Variants in LDB2 observed in about 807,000 individuals in gnomAD.
LDB2 encodes the protein LIM domain binding 2.
LDB2 carries 12 observed loss-of-function variants against 44.3 expected under a neutral mutation model. The observed-to-expected ratio is 0.27, with a 90% CI of 0.17 to 0.44. The LOEUF is 0.44. Among genes scored for constraint, LDB2 ranks in the 20% least tolerant of loss-of-function variants. The pLI is 1.00. For synonymous variants in LDB2, 164 were observed against 174.8 expected (o/e 0.94, Z 0.49); for missense variants, 344 against 473.5 (o/e 0.73, Z 2.54).
chr4:16,526,279 C>T (rs2152289072), intron 5 of LDB2, among the ~76,000 whole-genome samples: 1 of 152,294 alleles, frequency 6.6e-6, no homozygotes, highest in Non-Finnish European at 1.5e-5. Context: ...CTTCTCCTGC[C>T]TTTGGACATC....
intron 5 of LDB2, among the ~76,000 whole-genome samples, chr4:16,525,822 G>A (rs1049921553): frequency 1.3e-4 from 20 of 152,352 alleles, no homozygotes; most frequent in African/African-American, 4.6e-4. Context: ...TGGGAGGGTT[G>A]AAAATGTGGA....
At chr4:16,811,201 A>G (rs169605) in intron 1 of LDB2, among the ~76,000 whole-genome samples, 117,583 of 152,098 alleles carry the variant, frequency 0.77, 48,034 homozygotes, top group Middle Eastern at 0.93. Flanking sequence ...TGCACACTGT[A>G]CCTTCAGGGT....
At chr4:16,504,379 T>C (rs1339747199) in intron 7 of LDB2, among the ~76,000 whole-genome samples, 9 of 152,230 alleles carry the variant, frequency 5.9e-5, no homozygotes, top group Non-Finnish European at 1.2e-4. Flanking sequence ...AGATAATTAA[T>C]AGGTTTCCAA....
chr4:16,766,757 C>T lies in LDB2; in HGVS notation c.133-7497G>A, dbSNP rs752061851. Among the ~76,000 whole-genome samples, 40 of 152,128 alleles carry T rather than the reference C, an allele frequency of 2.6e-4. No homozygotes were observed. The East Asian group carries it at 5.4e-3, about 21-fold the overall frequency. On this transcript the variant is annotated intron_variant, in intron 1 of 7. Transcript: ENST00000304523. ...CTGACTTCAGGTGATCCACCTGCCT[C>T]GGCCTCCCAAAGTGCTGGGATTACA...
chr4:16,709,289 A>G (rs1422474539), intron 2 of LDB2, among the ~76,000 whole-genome samples: 1 of 152,234 alleles, frequency 6.6e-6, no homozygotes, highest in East Asian at 1.9e-4. Context: ...TGCAGGTTAT[A>G]GTATAATATG....
intron 2 of LDB2, among the ~76,000 whole-genome samples, chr4:16,623,134 C>A (rs1729339797): frequency 6.6e-6 from 1 of 151,912 alleles, no homozygotes; most frequent in Non-Finnish European, 1.5e-5. Context: ...AATAAATATT[C>A]TTTGAATAAA....
chr4:16,785,348 C>A (rs1473245799), intron 1 of LDB2, among the ~76,000 whole-genome samples: 1 of 152,060 alleles, frequency 6.6e-6, no homozygotes, highest in Non-Finnish European at 1.5e-5. Flanking sequence ...GGTCCAAGTT[C>A]AACTTCAGGC....
intron 1 of LDB2, among the ~76,000 whole-genome samples, chr4:16,787,396 C>T (rs747279338): frequency 2.6e-5 from 4 of 152,056 alleles, no homozygotes; most frequent in East Asian, 1.9e-4. Context: ...GCATATCACC[C>T]GAGGTCAGGA....
At chr4:16,869,571 A>G (rs1715827983) in intron 1 of LDB2, among the ~76,000 whole-genome samples, 1 of 152,164 alleles carries the variant, frequency 6.6e-6, no homozygotes, top group South Asian at 2.1e-4. Context: ...GAGGCAACAG[A>G]CTCATCTTCA....
intron 2 of LDB2, among the ~76,000 whole-genome samples, chr4:16,689,246 G>T (rs1448712059): frequency 6.6e-6 from 1 of 152,180 alleles, no homozygotes; most frequent in African/African-American, 2.4e-5. Flanking sequence ...AACACAGGGT[G>T]GGGGAATATG....
intron 1 of LDB2, among the ~76,000 whole-genome samples, chr4:16,873,078 T>C (rs1029716282): frequency 3.3e-5 from 5 of 151,984 alleles, no homozygotes; most frequent in African/African-American, 1.2e-4. Flanking sequence ...TGAAGGAGAA[T>C]GGTGTATCGG....
chr4:16,606,230 A>G (rs1324717739), intron 2 of LDB2, among the ~76,000 whole-genome samples: 1 of 152,232 alleles, frequency 6.6e-6, no homozygotes, highest in Non-Finnish European at 1.5e-5. Flanking sequence ...GTTAGTGTAC[A>G]TAAGAAGACT....
chr4:16,685,506 A>G (rs778180320), intron 2 of LDB2, among the ~76,000 whole-genome samples: 4 of 152,172 alleles, frequency 2.6e-5, no homozygotes, highest in Non-Finnish European at 4.4e-5. Context: ...AAACTCTATA[A>G]GGCTCCATCT....
chr4:16,715,469 A>G (rs181307951), intron 2 of LDB2, among the ~76,000 whole-genome samples: 1 of 152,326 alleles, frequency 6.6e-6, no homozygotes, highest in African/African-American at 2.4e-5. Flanking sequence ...AAAATTAGCA[A>G]TGACTCTTCT....
intron 5 of LDB2, among the ~76,000 whole-genome samples, chr4:16,579,224 T>C (rs1381301562): frequency 2.6e-5 from 4 of 152,224 alleles, no homozygotes; most frequent in Non-Finnish European, 1.5e-5. Flanking sequence ...AGGTGATGGA[T>C]ACCGTATTTA....
At chr4:16,651,277 T>A (rs1171107565) in intron 2 of LDB2, 3 of 152,220 alleles carry the variant, frequency 2.0e-5, no homozygotes, top group Admixed American at 6.5e-5. Flanking sequence ...GCAACAGAGA[T>A]CAGGTTCAGC....
At chr4:16,737,629 G>C (rs1762158508) in intron 2 of LDB2, among the ~76,000 whole-genome samples, 1 of 151,952 alleles carries the variant, frequency 6.6e-6, no homozygotes, top group South Asian at 2.1e-4. Flanking sequence ...GGACATAAAA[G>C]AAAATTTTAT....
chr4:16,519,851 A>G (rs1297108236), intron 5 of LDB2, among the ~76,000 whole-genome samples: 1 of 152,002 alleles, frequency 6.6e-6, no homozygotes, highest in Non-Finnish European at 1.5e-5. Flanking sequence ...CACGCAAAAG[A>G]TGAACACTGT....
intron 1 of LDB2, among the ~76,000 whole-genome samples, chr4:16,786,879 G>A (rs1026762416): frequency 2.0e-5 from 3 of 152,040 alleles, no homozygotes. Flanking sequence ...CTCTATTCCC[G>A]AATCTTTTGT....
Sources: gnomAD v4.1 joint callset for allele counts (sites outside exome capture counted in the v4.1 genomes callset) on GRCh38, gnomAD v4.1.1 for gene constraint, MANE v1.5 for transcripts, NCBI Gene and HGNC (gene_info 2026-07-23, HGNC 2026-07-21) for gene names.